The following SLC6A12 variants were observed in gnomAD, a reference collection of about 807,000 sequenced individuals.
SLC6A12 encodes solute carrier family 6 member 12.
A neutral mutation model predicts 73.3 loss-of-function variants in SLC6A12; 50 were observed. The ratio of observed to expected loss-of-function variants is 0.68; its 90% CI spans 0.54 to 0.86. The LOEUF (loss-of-function observed/expected upper bound fraction) is 0.86. SLC6A12 is among the 40% of genes least tolerant of loss of function. The pLI is 0.00. For missense variants in SLC6A12, 648 were observed against 772.8 expected (o/e 0.84, Z 1.92); for synonymous variants, 304 against 309.2 (o/e 0.98, Z 0.18).
downstream of SLC6A12, among the ~76,000 whole-genome samples, chr12:186,167 G>A (rs551677182): frequency 8.5e-5 from 13 of 152,218 alleles, no homozygotes; most frequent in Non-Finnish European, 1.9e-4. Flanking sequence ...CCTCTGAAGA[G>A]GGGCCACGCC....
At position 197,360 on chromosome 12, in the gene SLC6A12, A is replaced by G. The variant is rs1160997047; in HGVS notation, c.1075+17T>C. On this transcript the variant is annotated intron_variant, in intron 10 of 15. Transcript: ENST00000684302. ...CTCTCCTTCCCCTCAGGCCCCAGAC[A>G]GCAAAGTGGCACCTACCTGACTCGG... The G allele has an allele frequency of 6.2e-7, 1 of 1,609,694 alleles. No homozygotes were observed. The highest frequency in any genetic ancestry group is 1.7e-5 in the Admixed American group (1 of 59,504).
downstream of SLC6A12, among the ~76,000 whole-genome samples, chr12:187,973 C>T (rs1358873874): frequency 6.6e-6 from 1 of 152,236 alleles, no homozygotes; most frequent in South Asian, 2.1e-4. Context: ...ATACAGAGTG[C>T]CGATTGGTGT....
At chr12:208,595 C>T (rs1160435557) in intron 3 of SLC6A12, among the ~76,000 whole-genome samples, 1 of 152,070 alleles carries the variant, frequency 6.6e-6, no homozygotes, top group African/African-American at 2.4e-5. Context: ...TCTAACCACT[C>T]ACAAAGGACG....
At chr12:192,332 C>G in intron 15 of SLC6A12, 146 bp downstream of exon 15, 1 of 669,664 alleles carries the variant, frequency 1.5e-6, no homozygotes, top group Non-Finnish European at 2.5e-6. Flanking sequence ...CTTCAAAGTT[C>G]GTCTCGTTAA....
At chr12:201,362 T>G (rs905711955) in intron 6 of SLC6A12, 4 of 224,632 alleles carry the variant, frequency 1.8e-5, no homozygotes, top group Non-Finnish European at 2.7e-5. Context: ...GGTGTGCCCA[T>G]GTCTTGATGT....
intron 7 of SLC6A12, among the ~76,000 whole-genome samples, chr12:200,400 A>ACG (rs1940191160): frequency 3.4e-5 from 5 of 148,020 alleles, no homozygotes; most frequent in African/African-American, 9.7e-5. Flanking sequence ...GAGCCACTGC[A>ACG]CCCGGCAGCC....
Position 190,992 on chromosome 12 carries a change from A to T in SLC6A12, c.*76T>A. 8.4e-7 allele frequency: 1 copy of T among 1,184,980 alleles called. No individual in the cohort carries two copies. Among genetic ancestry groups the T allele is most frequent in the African/African-American group, 1.6e-5 (1 of 63,560 alleles). The allele number at this position is 1,184,980 out of a possible 1,614,324, so 73.4% of individuals were successfully genotyped here. On this transcript the variant is annotated 3_prime_UTR_variant, in exon 16 of 16. Transcript: ENST00000684302. ...GGATTGTGGCAGGAGACAGAGGCAGAGGCTGTCCGCTGAGAATGGAGGGTG... is the reference window on the plus strand; with the variant it reads ...GGATTGTGGCAGGAGACAGAGGCAGTGGCTGTCCGCTGAGAATGGAGGGTG...
downstream of SLC6A12, among the ~76,000 whole-genome samples, chr12:187,286 G>A (rs1008380779): frequency 2.6e-5 from 4 of 152,108 alleles, no homozygotes; most frequent in African/African-American, 9.7e-5. Flanking sequence ...CCCTCACAGT[G>A]AGGGTTACAG....
chr12:185,416 C>T (rs548846488), downstream of SLC6A12, among the ~76,000 whole-genome samples: 19 of 152,332 alleles, frequency 1.2e-4, 2 homozygotes, highest in Middle Eastern at 3.4e-3. Context: ...TTGCCCACTT[C>T]GAGTCCCTCA....
rs771836992 is a variant in SLC6A12, at chr12:200,774, A to T, written c.588T>A (p.Val196=). 6.2e-7 allele frequency: 1 copy of T among 1,613,774 alleles called. No homozygotes were observed. The highest frequency in any genetic ancestry group is 2.2e-5 in the East Asian group (1 of 44,852). The change falls in exon 7 of 16, where the codon GTT becomes GTA. Residue 196 remains valine, a synonymous_variant. Transcript: ENST00000684302. ...CATGGATGCCCGAGGTGATGCCCAG[A>T]ACTCGTCTCCTGGAGGATTGGGAAA... ...SPVMEFWERR[V]LGITSGIHDL... is the part of the protein sequence containing the mutation.
chr12:187,621 A>AC (rs1565461357), downstream of SLC6A12, among the ~76,000 whole-genome samples: 28 of 54,060 alleles, frequency 5.2e-4, 1 homozygote, highest in African/African-American at 2.1e-3. Flanking sequence ...AAAAAAAAAA[A>AC]AAAAAAAAAA....
At chr12:196,991 G>T (rs1939899867) in intron 10 of SLC6A12, 109 bp from the exon 11 acceptor site, 1 of 672,046 alleles carries the variant, frequency 1.5e-6, no homozygotes, top group South Asian at 1.8e-5. Context: ...CACACTTTAA[G>T]AGGAAAGGGT....
In SLC6A12 at chr12:198,547, G is replaced by C; in HGVS notation, c.846+250C>G. The C allele has an allele frequency of 5.1e-6, 2 of 389,576 alleles. No homozygotes were observed. Among genetic ancestry groups the C allele is most frequent in the African/African-American group, 2.1e-5 (1 of 48,578 alleles). The allele number at this position is 389,576 out of a possible 1,614,324, so 24.1% of individuals were successfully genotyped here. A position where few individuals can be genotyped will look rare whatever the true frequency, so the allele number is the denominator to read the frequency against. On this transcript the variant is annotated intron_variant, in intron 8 of 15. Coordinates refer to ENST00000684302, the MANE Select transcript of SLC6A12 (RefSeq NM_001122848.3). This position sits in a 1 kb window ranked among gnomAD's most constrained non-coding sequence, Gnocchi z 4.0. ...CCACTGCACTCCAGCCTGGGGGACA[G>C]AGCCAGACCCTGCCTGTCTCTAAGT... is the stretch of plus-strand genomic sequence containing the variant.
intron 11 of SLC6A12, 136 bp downstream of exon 11, chr12:196,633 AG>A (rs1341573623): frequency 1.5e-6 from 1 of 689,534 alleles, no homozygotes; most frequent in African/African-American, 1.8e-5. Flanking sequence ...CCCAACCCCA[AG>A]GAAAAGCCCT....
rs1357210676 is a variant in SLC6A12 at position 213,717 on chromosome 12, T to A, written c.-143+205A>T. 1 of 152,540 alleles carries A rather than the reference T, an allele frequency of 6.6e-6. No individual in the cohort carries two copies. Among genetic ancestry groups the A allele is most frequent in the Non-Finnish European group, 1.5e-5 (1 of 68,316 alleles). 9.4% of individuals were successfully genotyped at this position (152,540 alleles called of 1,614,324 possible). On this transcript the variant is annotated intron_variant, in intron 1 of 15. Transcript: ENST00000684302. The surrounding 1 kb of genome is among the most constrained non-coding windows in gnomAD (Gnocchi z 5.3). The stretch of plus-strand genomic sequence containing the variant: ...ATCACTGAGCTGCTCCCACGCTGGA[T>A]GGGGCGGAGCTAGGGGGCACCCCTT...
At position 198,996 on chromosome 12, in the gene SLC6A12, C is replaced by G; in HGVS notation, c.712-65G>C. The G allele has an allele frequency of 6.4e-7, 1 of 1,553,270 alleles. No individual in the cohort carries two copies. On this transcript the variant is annotated intron_variant, in intron 7 of 15. Coordinates refer to ENST00000684302, the MANE Select transcript of SLC6A12 (RefSeq NM_001122848.3). This position sits in a 1 kb window ranked among gnomAD's most constrained non-coding sequence, Gnocchi z 4.0. ...GACGCAGTGGCCCTCCAGCCACGCC[C>G]CACAGGCAGCTCGAGTCACACGGAG...
At chr12:193,791 T>C (rs1939735621) in intron 13 of SLC6A12, among the ~76,000 whole-genome samples, 1 of 152,086 alleles carries the variant, frequency 6.6e-6, no homozygotes, top group South Asian at 2.1e-4. Context: ...TTCAGACACA[T>C]CATAGAAAAC....
intron 2 of SLC6A12, chr12:210,390 G>A: frequency 9.1e-7 from 1 of 1,104,778 alleles, no homozygotes; most frequent in East Asian, 7.2e-5. Flanking sequence ...CTTGATGTCT[G>A]CTGAGTGACC....
rs1192425110 is a variant in SLC6A12 at position 190,475 on chromosome 12, G to C, written c.*593C>G. On this transcript the variant is annotated 3_prime_UTR_variant, in exon 16 of 16. Coordinates refer to ENST00000684302, the MANE Select transcript of SLC6A12 (RefSeq NM_001122848.3). Reference sequence around the variant, plus strand: ...TCCAGGAGTTGATGAAACACTGCAAGAACAGTGCGGAACTAGGGCAGGAGC... The same window carrying C: ...TCCAGGAGTTGATGAAACACTGCAACAACAGTGCGGAACTAGGGCAGGAGC... The C allele has an allele frequency of 6.6e-6, 1 of 152,190 alleles. No individual in the cohort carries two copies. The highest frequency in any genetic ancestry group is 1.9e-4 in the East Asian group (1 of 5,186). 9.4% of individuals were successfully genotyped at this position (152,190 alleles called of 1,614,324 possible).
Sources: allele counts gnomAD v4.1 joint callset (sites outside exome capture counted in the v4.1 genomes callset), GRCh38; gene constraint gnomAD v4.1.1; non-coding constraint Gnocchi (gnomAD v3.1); transcripts MANE v1.5; gene names NCBI Gene and HGNC (gene_info 2026-07-23, HGNC 2026-07-21).